Variants in TSHZ2 observed in about 807,000 individuals in gnomAD.
TSHZ2 encodes the protein teashirt zinc finger homeobox 2, also known as teashirt homolog 2.
A neutral mutation model predicts 74.4 loss-of-function variants in TSHZ2; 21 were observed. The ratio of observed to expected loss-of-function variants is 0.28; its 90% CI spans 0.20 to 0.41. The LOEUF (loss-of-function observed/expected upper bound fraction) is 0.41, where lower values mean the gene tolerates loss of function less well. Ranked by LOEUF, TSHZ2 falls within the 10% of genes least tolerant of loss-of-function variation. The probability of loss-of-function intolerance (pLI) is 1.00; values close to 1 mark genes in which losing one functional copy is unlikely to be tolerated. For synonymous variants in TSHZ2, 540 were observed against 515.3 expected (o/e 1.05, Z -0.65); for missense variants, 1,244 against 1,293.5 (o/e 0.96, Z 0.59).
intron 2 of TSHZ2, among the ~76,000 whole-genome samples, chr20:53,311,496 G>A (rs753436119): frequency 1.3e-5 from 2 of 152,206 alleles, no homozygotes; most frequent in Non-Finnish European, 2.9e-5. Flanking sequence ...TGTTTGGTTG[G>A]TGAGAGTTAA....
intron 1 of TSHZ2, among the ~76,000 whole-genome samples, chr20:53,244,941 G>A (rs1426068321): frequency 6.6e-6 from 1 of 152,160 alleles, no homozygotes; most frequent in Admixed American, 6.5e-5. Context: ...CATAAACAAA[G>A]CTGGTTCTTA....
intron 2 of TSHZ2, among the ~76,000 whole-genome samples, chr20:53,467,405 TTTTAA>T (rs1307931996): frequency 6.6e-6 from 1 of 152,234 alleles, no homozygotes. Context: ...ATGCATGTAT[TTTTAA>T]TTTATTCTAC....
intron 1 of TSHZ2, among the ~76,000 whole-genome samples, chr20:53,163,113 T>C (rs1444507245): frequency 6.6e-6 from 1 of 152,174 alleles, no homozygotes; most frequent in East Asian, 1.9e-4. Flanking sequence ...AACCCAACTT[T>C]TTTATTGTTT....
intron 2 of TSHZ2, among the ~76,000 whole-genome samples, chr20:53,330,112 C>G (rs549850980): frequency 1.3e-5 from 2 of 152,312 alleles, no homozygotes; most frequent in East Asian, 3.9e-4. Flanking sequence ...CTGCCCCTTT[C>G]CAGAATAAGT....
chr20:53,001,228 G>GTATGTGTGTGTGTGTGTGTGTGTA (rs57496923), intron 1 of TSHZ2, among the ~76,000 whole-genome samples: 30 of 143,384 alleles, frequency 2.1e-4, no homozygotes, highest in Non-Finnish European at 2.9e-4. Context: ...GTGTGTGTGT[G>GTATGTGTGTGTGTGTGTGTGTGTA]TGTGTGTGTG....
chr20:53,045,042 T>A (rs1278918388), intron 1 of TSHZ2, among the ~76,000 whole-genome samples: 1 of 152,190 alleles, frequency 6.6e-6, no homozygotes, highest in African/African-American at 2.4e-5. Context: ...CAGGATGAGA[T>A]AAGTTATGTG....
chr20:53,198,792 A>G (rs968817582), intron 1 of TSHZ2, among the ~76,000 whole-genome samples: 3 of 152,236 alleles, frequency 2.0e-5, no homozygotes, highest in African/African-American at 4.8e-5. Flanking sequence ...TTGATAATCA[A>G]TGCCATACCA....
intron 2 of TSHZ2, among the ~76,000 whole-genome samples, chr20:53,454,934 C>A (rs117796822): frequency 6.6e-6 from 1 of 152,138 alleles, no homozygotes; most frequent in African/African-American, 2.4e-5. Flanking sequence ...ACTGCCTGAG[C>A]GACCACCCAC....
chr20:53,263,324 A>G (rs1293093519), intron 2 of TSHZ2, among the ~76,000 whole-genome samples: 2 of 152,206 alleles, frequency 1.3e-5, no homozygotes, highest in African/African-American at 4.8e-5. Context: ...GGCATTCAGC[A>G]TCAAGACTGT....
At chr20:53,381,217 C>T (rs761664437) in intron 2 of TSHZ2, among the ~76,000 whole-genome samples, 7 of 152,188 alleles carry the variant, frequency 4.6e-5, no homozygotes, top group Non-Finnish European at 7.3e-5. Flanking sequence ...TTTTCTAGGC[C>T]TCTCCACTTT....
intron 2 of TSHZ2, among the ~76,000 whole-genome samples, chr20:53,480,555 A>G (rs1002837571): frequency 3.3e-5 from 5 of 151,862 alleles, no homozygotes; most frequent in African/African-American, 1.2e-4. Context: ...TGACAGAGCA[A>G]GACCCTACCT....
At chr20:53,426,798 T>A (rs1983672569) in intron 2 of TSHZ2, among the ~76,000 whole-genome samples, 1 of 152,192 alleles carries the variant, frequency 6.6e-6, no homozygotes, top group East Asian at 1.9e-4. Context: ...AGCTCATACA[T>A]CCCTTTTGTC....
chr20:52,982,686 TA>T (rs1221430440), intron 1 of TSHZ2, among the ~76,000 whole-genome samples: 1 of 152,188 alleles, frequency 6.6e-6, no homozygotes, highest in Non-Finnish European at 1.5e-5. Context: ...AACAAATAAA[TA>T]TATAACACAA....
chr20:53,462,744 T>A (rs1985419630), intron 2 of TSHZ2, among the ~76,000 whole-genome samples: 1 of 152,246 alleles, frequency 6.6e-6, no homozygotes, highest in Admixed American at 6.5e-5. Context: ...TGGTTCCATG[T>A]TTCTGCAGTG....
intron 2 of TSHZ2, among the ~76,000 whole-genome samples, chr20:53,353,490 G>A (rs1241766870): frequency 1.3e-5 from 2 of 152,000 alleles, no homozygotes; most frequent in Admixed American, 6.5e-5. Context: ...TGTCATTCCC[G>A]TGCCATTAAG....
chr20:53,453,978 A>G (rs1312693057), intron 2 of TSHZ2, among the ~76,000 whole-genome samples: 1 of 152,218 alleles, frequency 6.6e-6, no homozygotes, highest in Non-Finnish European at 1.5e-5. Context: ...TGAGAGCTAC[A>G]GATTCTCTCT....
intron 1 of TSHZ2, among the ~76,000 whole-genome samples, chr20:53,239,758 A>C (rs905340848): frequency 6.6e-6 from 1 of 152,184 alleles, no homozygotes; most frequent in African/African-American, 2.4e-5. Context: ...AAAAATTATA[A>C]TATTTTGCTA....
At chr20:53,329,196 G>A (rs374819934) in intron 2 of TSHZ2, among the ~76,000 whole-genome samples, 5 of 152,274 alleles carry the variant, frequency 3.3e-5, no homozygotes, top group East Asian at 3.9e-4. Flanking sequence ...TTTAAAAACC[G>A]GAGAGGCAAC....
intron 2 of TSHZ2, among the ~76,000 whole-genome samples, chr20:53,307,749 T>C (rs544024792): frequency 1.3e-5 from 2 of 152,336 alleles, no homozygotes; most frequent in Non-Finnish European, 2.9e-5. Context: ...TATGAACTAT[T>C]TCCAGCCCTT....
Sources: gnomAD v4.1 joint callset for allele counts (sites outside exome capture counted in the v4.1 genomes callset) on GRCh38, gnomAD v4.1.1 for gene constraint, MANE v1.5 for transcripts, NCBI Gene and HGNC (gene_info 2026-07-23, HGNC 2026-07-21) for gene names.